Variants in DLG1 observed in about 807,000 individuals in gnomAD.
DLG1 encodes discs large MAGUK scaffold protein 1, also known as disks large homolog 1.
Under a neutral mutation model 123.4 loss-of-function variants are expected in DLG1, and 42 were observed. The ratio of observed to expected loss-of-function variants is 0.34; its 90% CI spans 0.27 to 0.44. The LOEUF (loss-of-function observed/expected upper bound fraction) is 0.44. Ranked by LOEUF, DLG1 falls within the 20% of genes least tolerant of loss-of-function variation. DLG1 has a pLI of 1.00. For synonymous variants in DLG1, 317 were observed against 356.2 expected (o/e 0.89, Z 1.24); for missense variants, 942 against 1,082.6 (o/e 0.87, Z 1.82).
At chr3:197,104,779 C>T in intron 14 of DLG1, 124 bp downstream of exon 14, 1 of 684,352 alleles carries the variant, frequency 1.5e-6, no homozygotes, top group Admixed American at 2.5e-5. Context: ...ACTGGATTAG[C>T]AAATCAGAAA....
intron 14 of DLG1, among the ~76,000 whole-genome samples, chr3:197,096,649 GTC>G (rs1760824491): frequency 6.6e-6 from 1 of 152,114 alleles, no homozygotes. Context: ...AAGGAAGTAT[GTC>G]TCTTTTAGTC....
intron 4 of DLG1, among the ~76,000 whole-genome samples, chr3:197,215,674 A>G (rs949286891): frequency 1.3e-5 from 2 of 152,194 alleles, no homozygotes; most frequent in African/African-American, 4.8e-5. Context: ...CACAAGCCAT[A>G]AAATCTCTAA....
intron 3 of DLG1, among the ~76,000 whole-genome samples, chr3:197,291,300 TACACACACACAC>T (rs33920543): frequency 2.8e-3 from 405 of 143,218 alleles, no homozygotes; most frequent in African/African-American, 4.5e-3. Context: ...CCTACAAAGT[TACACACACACAC>T]ACACACACAC....
rs547854376 is a variant in DLG1 at position 197,292,669 on chromosome 3, T to C, written c.151+3677A>G. Among the ~76,000 whole-genome samples, 22 of 152,342 alleles carry C rather than the reference T, an allele frequency of 1.4e-4. 1 individual carries two copies. The highest frequency in any genetic ancestry group is 1.4e-3 in the Admixed American group (21 of 15,302). On this transcript the variant is annotated intron_variant, in intron 3 of 24. Transcript: ENST00000667157. ...CTTTTATAAGGGCTAGTGAAACTAT[T>C]AGATTTTAATAGAGTGGCAACAAAT...
At chr3:197,229,654 T>C (rs1321071850) in intron 4 of DLG1, among the ~76,000 whole-genome samples, 1 of 152,188 alleles carries the variant, frequency 6.6e-6, no homozygotes, top group Non-Finnish European at 1.5e-5. Flanking sequence ...AGATAACAAA[T>C]GCACTCTGGT....
intron 14 of DLG1, among the ~76,000 whole-genome samples, chr3:197,092,066 TTAAAA>T (rs1402272942): frequency 6.6e-6 from 1 of 152,116 alleles, no homozygotes; most frequent in East Asian, 1.9e-4. Flanking sequence ...AACAAAACAC[TTAAAA>T]TAAAAACATA....
chr3:197,085,250 A>C (rs1447405505), intron 16 of DLG1: 1 of 249,914 alleles, frequency 4.0e-6, no homozygotes, highest in African/African-American at 2.3e-5. Flanking sequence ...CGACCCTCTT[A>C]ACAAATTTCA....
chr3:197,098,364 G>A (rs1424904298), intron 14 of DLG1, among the ~76,000 whole-genome samples: 1 of 152,140 alleles, frequency 6.6e-6, no homozygotes, highest in Non-Finnish European at 1.5e-5. Context: ...ACTTTTTAGT[G>A]ATGCAGAAAA....
chr3:197,140,043 G>C (rs960528645), intron 8 of DLG1, 97 bp downstream of exon 8: 2 of 1,354,048 alleles, frequency 1.5e-6, no homozygotes, highest in African/African-American at 2.9e-5. Flanking sequence ...TAGTTATCAT[G>C]ATCGTGTTTG....
intron 5 of DLG1, among the ~76,000 whole-genome samples, chr3:197,187,101 C>A (rs1156499778): frequency 1.3e-5 from 2 of 152,172 alleles, no homozygotes; most frequent in East Asian, 3.8e-4. Flanking sequence ...GACAAGAACA[C>A]AGATTTGCTA....
intron 5 of DLG1, among the ~76,000 whole-genome samples, chr3:197,166,304 A>G (rs1195980602): frequency 6.6e-6 from 1 of 152,196 alleles, no homozygotes; most frequent in Non-Finnish European, 1.5e-5. Flanking sequence ...ATAAATAAAT[A>G]CATGAAGGAT....
intron 5 of DLG1, among the ~76,000 whole-genome samples, chr3:197,189,166 G>C (rs1241887373): frequency 6.6e-6 from 1 of 152,132 alleles, no homozygotes; most frequent in Non-Finnish European, 1.5e-5. Context: ...CCATCCAAAG[G>C]AAAGAAACTA....
chr3:197,090,853 A>G (rs775150658), intron 15 of DLG1, 59 bp downstream of exon 15: 10 of 1,043,356 alleles, frequency 9.6e-6, no homozygotes, highest in Non-Finnish European at 1.4e-5. Flanking sequence ...GAAAAATACA[A>G]AATAATTTAC....
At chr3:197,087,249 G>A (rs1754947431) in intron 15 of DLG1, among the ~76,000 whole-genome samples, 1 of 151,442 alleles carries the variant, frequency 6.6e-6, no homozygotes. Context: ...CATATAATAT[G>A]TGAGTGACTA....
chr3:197,194,965 T>A (rs1721637632), intron 4 of DLG1, among the ~76,000 whole-genome samples: 1 of 152,104 alleles, frequency 6.6e-6, no homozygotes, highest in African/African-American at 2.4e-5. Flanking sequence ...ACAAATTTTT[T>A]AAAAGTCAGC....
In DLG1 at chr3:197,091,022, G is replaced by A; in HGVS notation, c.1551C>T (p.Tyr517=). Residue 517 remains tyrosine, a synonymous_variant, in exon 15 of 25, where the codon TAC becomes TAT. Transcript: ENST00000667157. ...CATGTATTTTAGCTTCAAAACGACT[G>A]TATTCTGATGGAAGAAAAAGAGAAA... ...TIVAQYRPEE[Y]SRFEAKIHDL... is the part of the protein sequence containing the mutation. 6.4e-7 allele frequency: 1 copy of A among 1,574,156 alleles called. No homozygotes were observed. The highest frequency in any genetic ancestry group is 8.7e-7 in the Non-Finnish European group (1 of 1,147,338).
intron 11 of DLG1, among the ~76,000 whole-genome samples, chr3:197,130,242 A>G (rs541848453): frequency 1.3e-5 from 2 of 152,296 alleles, no homozygotes; most frequent in East Asian, 1.9e-4. Context: ...CAATTTCAAT[A>G]TTTGCAAATG....
rs3051908 is a variant in DLG1, at chr3:197,097,580, CTTTTTTTTT to C, written c.1547-6563_1547-6555del. ...AATCTACTATCTTTTTTTGTACTTT[CTTTTTTTTT>C]TTTTTTTTTGAGAGAGAGTCTCGCT... On this transcript the variant is annotated intron_variant, in intron 14 of 24. Transcript: ENST00000667157. Among the ~76,000 whole-genome samples the C allele has an allele frequency of 1.4e-4, 17 of 122,820 alleles. 1 individual carries two copies. The South Asian group carries it at 4.4e-3, about 32-fold the overall frequency. 80.6% of individuals were successfully genotyped at this position (122,820 alleles called of 152,430 possible).
rs182982927 is a variant in DLG1, at chr3:197,219,765, C to T, written c.319-25176G>A. 3.7e-4 allele frequency among the ~76,000 whole-genome samples: 56 copies of T among 152,142 alleles called. No individual in the cohort carries two copies. In the Middle Eastern group the frequency reaches 0.01, roughly 28 times the overall value. On this transcript the variant is annotated intron_variant, in intron 4 of 24. Transcript: ENST00000667157. ...ATATGCATGCACGGAGGAAAGGCCA[C>T]GTGAAGAGGCAGTAAGAAGGTGGCC...
Sources: gnomAD v4.1 joint callset for allele counts (sites outside exome capture counted in the v4.1 genomes callset) on GRCh38, gnomAD v4.1.1 for gene constraint, MANE v1.5 for transcripts, NCBI Gene and HGNC (gene_info 2026-07-23, HGNC 2026-07-21) for gene names.